The following C7 variants were observed in gnomAD, a reference collection of about 807,000 sequenced individuals.
The protein encoded by C7 is complement component C7.
In C7, 83 loss-of-function variants were observed where a neutral mutation model predicts 104.8. The observed-to-expected ratio is 0.79, with a 90% confidence interval of 0.66 to 0.95. The LOEUF is 0.95. C7 is among the 40% of genes least tolerant of loss of function. The pLI, the probability that C7 is intolerant of heterozygous loss-of-function variation, is 0.00. For missense variants in C7, 1,070 were observed against 1,011.2 expected (o/e 1.06, Z -0.79); for synonymous variants, 415 against 360.6 (o/e 1.15, Z -1.71).
At position 40,949,953 on chromosome 5, in the gene C7, T is replaced by G. The variant is rs769644531; in HGVS notation, c.1032T>G (p.Phe344Leu). 4.4e-6 allele frequency: 7 copies of G among 1,601,730 alleles called. No individual in the cohort carries two copies. The highest frequency in any genetic ancestry group is 1.7e-5 in the Admixed American group (1 of 58,380). ...EKKCKSSGWH[F>L]VVKFSSHGCK... The stretch of plus-strand genomic sequence containing the variant: ...AATGTAAATCCTCAGGTTGGCATTT[T>G]GTCGTTAAATTTTCAAGTCATGGAT... The change falls in exon 9 of 18, where the codon TTT (phenylalanine) becomes TTG (leucine). Residue 344 changes from phenylalanine (F) to leucine (L), a missense_variant. Coordinates refer to ENST00000313164, the MANE Select transcript of C7 (RefSeq NM_000587.4).
chr5:40,930,725 G>A lies in C7; in HGVS notation c.63-339G>A, dbSNP rs144615887. Among the ~76,000 whole-genome samples, 191 of 151,488 alleles carry A rather than the reference G, an allele frequency of 1.3e-3. 3 individuals carry two copies. The East Asian group carries it at 0.03, about 24-fold the overall frequency. On this transcript the variant is annotated intron_variant, in intron 2 of 17. Transcript: ENST00000313164. The stretch of plus-strand genomic sequence containing the variant: ...TTACAGGCACGCGCCACCCTGCCTG[G>A]CTAATTTTTTTTGTATTTTTAGTAG...
chr5:40,958,074 C>T lies in C7; in HGVS notation c.1302C>T (p.Ala434=), dbSNP rs1417566565. Residue 434 remains alanine (A), a synonymous_variant, in exon 11 of 18, where the codon GCC becomes GCT. Transcript: ENST00000313164. The part of the protein sequence containing the change: ...LYELVKEVPC[A]SVKKLYLKWA... ...AGCTGGTAAAGGAAGTACCTTGTGCCTCTGTGAAAAAACTATACCTGAAAT... is the reference window on the plus strand; with the variant it reads ...AGCTGGTAAAGGAAGTACCTTGTGCTTCTGTGAAAAAACTATACCTGAAAT... The T allele has an allele frequency of 1.2e-6, 2 of 1,613,638 alleles. No homozygotes were observed. Among genetic ancestry groups the T allele is most frequent in the Non-Finnish European group, 1.7e-6 (2 of 1,179,700 alleles).
intron 15 of C7, among the ~76,000 whole-genome samples, chr5:40,976,070 G>A (rs556774904): frequency 6.6e-6 from 1 of 152,326 alleles, no homozygotes; most frequent in East Asian, 1.9e-4. Context: ...CTGAAATGAT[G>A]ACTGAATTGT....
At chr5:40,913,508 A>G (rs1579833011) in intron 1 of C7, among the ~76,000 whole-genome samples, 2 of 152,130 alleles carry the variant, frequency 1.3e-5, no homozygotes, top group East Asian at 3.9e-4. Flanking sequence ...TGACATTTTT[A>G]AAGAGAGATG....
chr5:40,981,358 T>C, intron 17 of C7, 34 bp from the exon 18 acceptor site: 2 of 1,587,704 alleles, frequency 1.3e-6, no homozygotes, highest in Non-Finnish European at 1.7e-6. Flanking sequence ...ACCTCCACAA[T>C]GTACCATTAA....
chr5:40,911,460 C>T (rs1739205842), intron 1 of C7, among the ~76,000 whole-genome samples: 3 of 152,282 alleles, frequency 2.0e-5, no homozygotes, highest in Admixed American at 1.3e-4. Context: ...GGACTTCCCT[C>T]GGAGCTGGCT....
rs539802336 is a variant in C7, at chr5:40,966,258, C to T, written c.1882+1385C>T. Among the ~76,000 whole-genome samples the T allele has an allele frequency of 5.9e-3, 892 of 152,182 alleles. 32 individuals are homozygous for T. In the East Asian group the frequency reaches 0.092, roughly 16 times the overall value. On this transcript the variant is annotated intron_variant, in intron 14 of 17. Coordinates refer to ENST00000313164, the MANE Select transcript of C7 (RefSeq NM_000587.4). ...CAGTTTGTAGTCTTTTATCCCTTAC[C>T]CCCTTCCCACCCTTTCTCTCTGAAT...
chr5:40,909,550 T>C lies in C7; in HGVS notation c.-61T>C. The C allele has an allele frequency of 6.8e-7, 1 of 1,460,298 alleles. No homozygotes were observed. The highest frequency in any genetic ancestry group is 1.8e-5 in the Admixed American group (1 of 56,186). The allele number at this position is 1,460,298 out of a possible 1,614,324, so 90.5% of individuals were successfully genotyped here. A position where few individuals can be genotyped will look rare whatever the true frequency, so the allele number is the denominator to read the frequency against. On this transcript the variant is annotated 5_prime_UTR_variant, in exon 1 of 18. Transcript: ENST00000313164. ...CTGGGCTCTTCCTGCTGTTGAAAACTTACCCGGCCCTTACAGAGGAAATCT... is the reference window on the plus strand; with the variant it reads ...CTGGGCTCTTCCTGCTGTTGAAAACCTACCCGGCCCTTACAGAGGAAATCT...
chr5:40,911,935 A>G (rs1294701970), intron 1 of C7, among the ~76,000 whole-genome samples: 1 of 150,434 alleles, frequency 6.6e-6, no homozygotes, highest in Non-Finnish European at 1.5e-5. Flanking sequence ...TTTTTAGTAA[A>G]GATGGGGTTT....
chr5:40,969,093 A>C (rs1579872717), intron 14 of C7, among the ~76,000 whole-genome samples: 1 of 152,060 alleles, frequency 6.6e-6, no homozygotes. Context: ...ATCTTCCATT[A>C]ATGTGGTATA....
At position 40,934,427 on chromosome 5, in the gene C7, A is replaced by G. The variant is rs1217789265; in HGVS notation, c.241A>G (p.Thr81Ala). The G allele has an allele frequency of 1.9e-6, 3 of 1,613,730 alleles. No homozygotes were observed. Among genetic ancestry groups the G allele is most frequent in the African/African-American group, 1.3e-5 (1 of 74,938 alleles). ...CTGTGAACCTACAAGAGGATGTCCA[A>G]CAGAGGAGGGATGTGGAGAGCGTTT... is the stretch of plus-strand genomic sequence containing the variant. ...QSCEPTRGCPTEEGCGERFRC... is the reference protein window; with the variant it reads ...QSCEPTRGCPAEEGCGERFRC... Residue 81 changes from threonine (T) to alanine (A), a missense_variant, in exon 4 of 18, where the codon ACA becomes GCA. Transcript: ENST00000313164.
rs1049110880 is a variant in C7 at position 40,958,158 on chromosome 5, T to A, written c.1386T>A (p.Asn462Lys). Residue 462 changes from asparagine (N) to lysine (K), a missense_variant, in exon 11 of 18, where the codon AAT (asparagine) becomes AAA (lysine). Transcript: ENST00000313164. Reference protein sequence around the residue: ...FDPCHCRPCQNGGLATVEGTH... With the variant: ...FDPCHCRPCQKGGLATVEGTH... ...CCTGTCATTGCCGGCCTTGTCAAAA[T>A]GGTGGTTTGGCTACTGTTGAGGGGA... 1 of 1,613,816 alleles carries A rather than the reference T, an allele frequency of 6.2e-7. No individual in the cohort carries two copies. Among genetic ancestry groups the A allele is most frequent in the Non-Finnish European group, 8.5e-7 (1 of 1,179,792 alleles).
At position 40,962,989 on chromosome 5, in the gene C7, TAG is replaced by T. The variant is rs148789513; in HGVS notation, c.1749+831_1749+832del. Among the ~76,000 whole-genome samples, 23 of 151,086 alleles carry T rather than the reference TAG, an allele frequency of 1.5e-4. No individual in the cohort carries two copies. In the South Asian group the frequency reaches 2.5e-3, roughly 16 times the overall value. ...ACGCAAGTGTGTGTGTGTGTTTGTG[TAG>T]AGAGAGAGAGAGAAAATCAACCTAG... On this transcript the variant is annotated intron_variant, in intron 13 of 17. Transcript: ENST00000313164.
At position 40,947,723 on chromosome 5, in the gene C7, A is replaced by G; in HGVS notation, c.860A>G (p.Tyr287Cys). Residue 287 changes from tyrosine (Y) to cysteine (C), a missense_variant, in exon 8 of 18, where the codon TAT becomes TGT. Coordinates refer to ENST00000313164, the MANE Select transcript of C7 (RefSeq NM_000587.4). ...GAGCTTTCCCACCTCCCCTCTCTGT[A>G]TGACTACAGTGCCTACCGAAGATTA... ...WKELSHLPSLYDYSAYRRLID... is the reference protein window; with the variant it reads ...WKELSHLPSLCDYSAYRRLID... 6.2e-7 allele frequency: 1 copy of G among 1,613,768 alleles called. No homozygotes were observed. The highest frequency in any genetic ancestry group is 8.5e-7 in the Non-Finnish European group (1 of 1,179,758).
intron 12 of C7, among the ~76,000 whole-genome samples, chr5:40,961,293 C>T (rs1229240085): frequency 6.6e-6 from 1 of 152,184 alleles, no homozygotes; most frequent in African/African-American, 2.4e-5. Context: ...TGCAGAGCAA[C>T]TGCCATGGTG....
intron 7 of C7, among the ~76,000 whole-genome samples, chr5:40,947,213 C>T (rs774458863): frequency 1.4e-4 from 21 of 150,874 alleles, no homozygotes; most frequent in Non-Finnish European, 1.9e-4. Context: ...GATTCTTCTA[C>T]CTCAGCCACT....
chr5:40,945,436 T>A (rs1740026592), intron 7 of C7, 68 bp downstream of exon 7: 3 of 1,044,702 alleles, frequency 2.9e-6, no homozygotes, highest in South Asian at 3.5e-5. Flanking sequence ...ATTAATAAAC[T>A]TGTATTTATC....
intron 1 of C7, among the ~76,000 whole-genome samples, chr5:40,926,231 C>T (rs955914407): frequency 6.6e-6 from 1 of 152,120 alleles, no homozygotes; most frequent in Admixed American, 6.6e-5. Context: ...AGACTCTCAC[C>T]AAGTTAGGTA....
chr5:40,934,411 T>G lies in C7; in HGVS notation c.225T>G (p.Pro75=), dbSNP rs770252921. ...CTTTTGAAACACAGTCCTGTGAACC[T>G]ACAAGAGGATGTCCAACAGAGGAGG... is the stretch of plus-strand genomic sequence containing the variant. ...GNAFETQSCE[P]TRGCPTEEGC... is the part of the protein sequence containing the mutation. Residue 75 remains proline (P), a synonymous_variant, in exon 4 of 18, where the codon CCT becomes CCG. Transcript: ENST00000313164. 6.2e-6 allele frequency: 10 copies of G among 1,613,658 alleles called. No individual in the cohort carries two copies. In the African/African-American group the frequency reaches 1.3e-4, roughly 22 times the overall value.
Sources: allele counts gnomAD v4.1 joint callset (sites outside exome capture counted in the v4.1 genomes callset), GRCh38; gene constraint gnomAD v4.1.1; transcripts MANE v1.5; gene names NCBI Gene and HGNC (gene_info 2026-07-23, HGNC 2026-07-21).